ADRA1B: variants seen among roughly 807,000 people sequenced by gnomAD.
ADRA1B encodes adrenoceptor alpha 1B.
A neutral mutation model predicts 17.9 loss-of-function variants in ADRA1B; 17 were observed. That is an observed-to-expected ratio of 0.95 (90% confidence interval 0.65 to 1.42). The LOEUF (loss-of-function observed/expected upper bound fraction) is 1.42. ADRA1B is among the 40% of genes most tolerant of loss of function. The pLI is 0.00. For synonymous variants in ADRA1B, 366 were observed against 327.6 expected, an observed-to-expected ratio of 1.12 and a Z score of -1.27; for missense variants, 681 against 722.1, an observed-to-expected ratio of 0.94 and a Z score of 0.65.
At chr5:159,881,910 C>A (rs1018247256) in intron 1 of ADRA1B, among the ~76,000 whole-genome samples, 3 of 152,160 alleles carry the variant, frequency 2.0e-5, no homozygotes, top group Non-Finnish European at 2.9e-5. Context: ...GAAAGCCTGA[C>A]TAGTGGCATG....
At chr5:159,865,695 C>T (rs1277390247) in intron 1 of ADRA1B, among the ~76,000 whole-genome samples, 8 of 152,158 alleles carry the variant, frequency 5.3e-5, no homozygotes, top group Non-Finnish European at 1.2e-4. Context: ...CAGAAAGCCC[C>T]ATTTTGTTCA....
intron 1 of ADRA1B, among the ~76,000 whole-genome samples, chr5:159,908,318 G>A (rs1216226971): frequency 3.3e-5 from 5 of 152,136 alleles, no homozygotes; most frequent in Non-Finnish European, 5.9e-5. Flanking sequence ...TATCAACCAC[G>A]CTATGGTTTG....
intron 1 of ADRA1B, among the ~76,000 whole-genome samples, chr5:159,946,983 G>A (rs186926180): frequency 3.3e-5 from 5 of 152,318 alleles, no homozygotes; most frequent in South Asian, 4.1e-4. Flanking sequence ...GTTTCAGTAC[G>A]TTATCTTATT....
rs540122172 is a variant in ADRA1B, at chr5:159,945,846, G to C, written c.950-26033G>C. ...CACTGCAAGCTCCGCCTCCCGGGTT[G>C]ACGCCATTCTCCTGCCTCAGCCTCC... On this transcript the variant is annotated intron_variant, in intron 1 of 1. Coordinates refer to ENST00000306675, the MANE Select transcript of ADRA1B (RefSeq NM_000679.4). Among the ~76,000 whole-genome samples the C allele has an allele frequency of 1.9e-3, 293 of 151,178 alleles. 1 individual carries two copies. The highest frequency in any genetic ancestry group is 0.012 in the East Asian group (61 of 5,110).
intron 1 of ADRA1B, among the ~76,000 whole-genome samples, chr5:159,900,422 A>G (rs921035778): frequency 6.6e-6 from 1 of 152,310 alleles, no homozygotes. Flanking sequence ...CTTTCTTCAT[A>G]TAGGTCTTGT....
At chr5:159,979,381 C>A in the ADRA1B span, among the ~76,000 whole-genome samples, 5 of 152,112 alleles carry the variant, frequency 3.3e-5, no homozygotes, top group Non-Finnish European at 7.3e-5. Flanking sequence ...AAAAGGTTGT[C>A]ATGAAGATCA....
intron 1 of ADRA1B, among the ~76,000 whole-genome samples, chr5:159,897,412 G>C (rs1236974326): frequency 6.6e-6 from 1 of 152,074 alleles, no homozygotes; most frequent in Non-Finnish European, 1.5e-5. Flanking sequence ...CTTGAACCTG[G>C]GCAGCAGAGG....
At chr5:159,970,942 C>G (rs1263931426) in intron 1 of ADRA1B, among the ~76,000 whole-genome samples, 3 of 152,082 alleles carry the variant, frequency 2.0e-5, no homozygotes, top group African/African-American at 7.2e-5. Flanking sequence ...GTAGCTAGGA[C>G]TACAGGCACG....
Position 159,931,502 on chromosome 5 carries a change from T to C in ADRA1B, c.949+13648T>C, listed in dbSNP as rs148022414. On this transcript the variant is annotated intron_variant, in intron 1 of 1. Transcript: ENST00000306675. ...TGCTGTCAAGTTGTTGATTTTTTATTCGTTTCAAAATGAGAAGAATTTTCT... is the reference window on the plus strand; with the variant it reads ...TGCTGTCAAGTTGTTGATTTTTTATCCGTTTCAAAATGAGAAGAATTTTCT... 2.6e-3 allele frequency among the ~76,000 whole-genome samples: 402 copies of C among 152,286 alleles called. 2 individuals are homozygous for C. Among genetic ancestry groups the C allele is most frequent in the African/African-American group, 9.4e-3 (392 of 41,556 alleles).
chr5:159,866,044 A>G (rs1753648172), intron 1 of ADRA1B, among the ~76,000 whole-genome samples: 1 of 152,138 alleles, frequency 6.6e-6, no homozygotes, highest in East Asian at 1.9e-4. Flanking sequence ...CCTAAAACAA[A>G]CTTTATTGAC....
intron 1 of ADRA1B, chr5:159,951,199 C>A: frequency 1.3e-6 from 1 of 779,866 alleles, no homozygotes; most frequent in South Asian, 1.3e-5. Context: ...TGGTGAAAGA[C>A]GCTGGTGGAC....
chr5:159,896,049 A>T (rs1221597079), intron 1 of ADRA1B, among the ~76,000 whole-genome samples: 2 of 152,210 alleles, frequency 1.3e-5, no homozygotes, highest in Non-Finnish European at 2.9e-5. Context: ...GAATGGATGG[A>T]TGAAAAGCTA....
intron 1 of ADRA1B, among the ~76,000 whole-genome samples, chr5:159,962,907 C>T (rs374556868): frequency 1.5e-4 from 8 of 54,308 alleles, no homozygotes; most frequent in South Asian, 6.6e-4. Flanking sequence ...TTTTTCTTTT[C>T]TTTCTTTCTT....
rs563987237 is a variant in ADRA1B, at chr5:159,878,065, A to G, written c.-256+12859A>G. Among the ~76,000 whole-genome samples the G allele has an allele frequency of 4.6e-5, 7 of 152,324 alleles. No homozygotes were observed. In the East Asian group the frequency reaches 1.4e-3, roughly 29 times the overall value. On this transcript the variant is annotated intron_variant, in intron 1 of 2. Transcript: ENST00000641205. ...CAGGTCTCTTCAGCTTGGTCTTGTC[A>G]GGACTCCAGGGCTGAACGAGGCCCA...
downstream of ADRA1B, among the ~76,000 whole-genome samples, chr5:159,973,978 T>A (rs1755934544): frequency 6.6e-6 from 1 of 152,250 alleles, no homozygotes; most frequent in African/African-American, 2.4e-5. Context: ...CTACTTTGCT[T>A]TTCTAAGTTG....
chr5:159,905,062 G>A (rs922995800), intron 1 of ADRA1B, among the ~76,000 whole-genome samples: 6 of 152,202 alleles, frequency 3.9e-5, no homozygotes, highest in African/African-American at 1.2e-4. Flanking sequence ...TCTCTTTGAA[G>A]AGTTCATAAC....
rs78245637 is a variant in ADRA1B at position 159,911,175 on chromosome 5, A to G, written c.-255-4944A>G. Among the ~76,000 whole-genome samples the G allele has an allele frequency of 5.2e-3, 787 of 152,294 alleles. 4 individuals carry two copies. The highest frequency in any genetic ancestry group is 0.016 in the South Asian group (77 of 4,826). ...TTTCCAGAGAAATTCTGGAGGCACC[A>G]TAGATTTTTGGGCAAAGTGATAGTG... is the stretch of plus-strand genomic sequence containing the variant. On this transcript the variant is annotated intron_variant, in intron 1 of 2. Transcript: ENST00000641205.
At chr5:159,923,022 T>G (rs1230274330) in intron 1 of ADRA1B, among the ~76,000 whole-genome samples, 1 of 152,222 alleles carries the variant, frequency 6.6e-6, no homozygotes, top group Admixed American at 6.5e-5. Flanking sequence ...CTCAACGGTT[T>G]GGAGAAGCTA....
intron 1 of ADRA1B, among the ~76,000 whole-genome samples, chr5:159,939,136 C>T (rs146112017): frequency 0.012 from 1,814 of 152,194 alleles, 31 homozygotes; most frequent in African/African-American, 0.041. Context: ...CCCAGCCCCT[C>T]CAGTCTTCTT....
Sources: gnomAD v4.1 joint callset for allele counts (sites outside exome capture counted in the v4.1 genomes callset) on GRCh38, gnomAD v4.1.1 for gene constraint, MANE v1.5 for transcripts, NCBI Gene and HGNC (gene_info 2026-07-23, HGNC 2026-07-21) for gene names.